WDR35: variants seen among roughly 807,000 people sequenced by gnomAD.
The protein encoded by WDR35 is WD repeat domain 35, also known as WD repeat-containing protein 35.
WDR35 carries 118 observed loss-of-function variants against 158.3 expected under a neutral mutation model. That is an observed-to-expected ratio of 0.75 (90% confidence interval 0.64 to 0.87). WDR35 has a LOEUF of 0.87. WDR35 is among the 40% of genes least tolerant of loss of function. WDR35 has a pLI of 0.00. For synonymous variants in WDR35, 448 were observed against 476.1 expected (o/e 0.94, Z 0.77); for missense variants, 1,263 against 1,405.8 (o/e 0.90, Z 1.62).
intron 12 of WDR35, among the ~76,000 whole-genome samples, chr2:19,952,781 C>CTTTTTTTTTT (rs773596785): frequency 2.3e-5 from 2 of 86,266 alleles, no homozygotes; most frequent in Non-Finnish European, 4.3e-5. Flanking sequence ...ACTCAACATA[C>CTTTTTTTTTT]TTTTTTTTTT....
At chr2:19,959,585 A>G (rs941022070) in intron 11 of WDR35, among the ~76,000 whole-genome samples, 2 of 152,052 alleles carry the variant, frequency 1.3e-5, no homozygotes, top group African/African-American at 4.8e-5. Context: ...GTAGGTTATC[A>G]AGACCCTAAG....
rs541277513 is a variant in WDR35, at chr2:19,928,865, G to A, written c.3121+1531C>T. Among the ~76,000 whole-genome samples, 33 of 151,650 alleles carry A rather than the reference G, an allele frequency of 2.2e-4. No homozygotes were observed. The South Asian group carries it at 3.3e-3, about 15-fold the overall frequency. On this transcript the variant is annotated intron_variant, in intron 25 of 26. Transcript: ENST00000281405. ...TCTGTCACCCAGGCTGGAGTGCAGC[G>A]GTGCGATCTCGGCTCACTGCAAGCT...
At chr2:19,969,693 G>T in intron 8 of WDR35, 88 bp from the exon 9 acceptor site, 1 of 1,368,940 alleles carries the variant, frequency 7.3e-7, no homozygotes, top group Non-Finnish European at 1.0e-6. Context: ...ATCAAAAGTG[G>T]TATGAACATT....
chr2:19,932,211 G>C, intron 23 of WDR35, 72 bp downstream of exon 23: 1 of 1,581,214 alleles, frequency 6.3e-7, no homozygotes, highest in Non-Finnish European at 8.7e-7. Flanking sequence ...AGAAAATGGA[G>C]AATATGCTCT....
chr2:19,937,976 T>A, intron 18 of WDR35, 30 bp from the exon 19 acceptor site: 2 of 1,611,216 alleles, frequency 1.2e-6, no homozygotes, highest in South Asian at 2.2e-5. Context: ...AAAACATAAG[T>A]GCATATTGCA....
In WDR35 at chr2:19,941,808, T is replaced by C. The variant is rs758868002; in HGVS notation, c.1877A>G (p.Asn626Ser). Residue 626 changes from asparagine (N) to serine (S), a missense_variant, in exon 17 of 27, where the codon AAT (asparagine) becomes AGT (serine). By Grantham distance (46) the Asn-to-Ser change is conservative (BLOSUM62 1). Coordinates refer to ENST00000281405, the MANE Select transcript of WDR35 (RefSeq NM_020779.4). ...AGATTTAATTTCTAAATCCTCAAAATTACAAATATATCCAGAGGTCTGAAT... is the reference window on the plus strand; with the variant it reads ...AGATTTAATTTCTAAATCCTCAAAACTACAAATATATCCAGAGGTCTGAAT... ...EPIQTSGYIC[N>S]FEDLEIKSVL... is the part of the protein sequence containing the mutation. 6.3e-7 allele frequency: 1 copy of C among 1,575,238 alleles called. No individual in the cohort carries two copies. Among genetic ancestry groups the C allele is most frequent in the Non-Finnish European group, 8.7e-7 (1 of 1,153,090 alleles).
intron 25 of WDR35, among the ~76,000 whole-genome samples, chr2:19,928,679 A>T (rs1383598282): frequency 1.3e-5 from 2 of 152,126 alleles, no homozygotes; most frequent in South Asian, 2.1e-4. Context: ...ATGACTATAT[A>T]AAAAAAACTA....
At chr2:19,985,483 G>T (rs979353930) in intron 2 of WDR35, among the ~76,000 whole-genome samples, 73 of 151,556 alleles carry the variant, frequency 4.8e-4, no homozygotes, top group African/African-American at 1.7e-3. Flanking sequence ...CTCCAACCCA[G>T]GACCATCATC....
chr2:19,953,804 C>A, intron 12 of WDR35, 30 bp downstream of exon 12: 1 of 1,613,618 alleles, frequency 6.2e-7, no homozygotes, highest in Non-Finnish European at 8.5e-7. Flanking sequence ...TATGGTTGAG[C>A]TACTAAAAAG....
chr2:19,963,586 C>T (rs1417246565), intron 10 of WDR35, among the ~76,000 whole-genome samples: 2 of 152,146 alleles, frequency 1.3e-5, no homozygotes, highest in African/African-American at 4.8e-5. Context: ...CTGGTGTCCA[C>T]TCTACTGTTT....
chr2:19,960,912 G>T (rs1671628862), intron 10 of WDR35, among the ~76,000 whole-genome samples: 1 of 152,084 alleles, frequency 6.6e-6, no homozygotes, highest in Non-Finnish European at 1.5e-5. Flanking sequence ...TTTATACAAG[G>T]GGTCTTCAAA....
intron 4 of WDR35, among the ~76,000 whole-genome samples, chr2:19,979,287 T>C (rs1457128969): frequency 2.6e-5 from 4 of 152,040 alleles, no homozygotes; most frequent in African/African-American, 9.7e-5. Flanking sequence ...CAAGTAACAA[T>C]AACTTTATAC....
chr2:19,966,194 C>T (rs1325139452), intron 10 of WDR35, among the ~76,000 whole-genome samples: 1 of 152,012 alleles, frequency 6.6e-6, no homozygotes, highest in African/African-American at 2.4e-5. Context: ...ATTGGTAGTC[C>T]TTTTCAGAAA....
At chr2:19,962,018 A>G (rs1446377829) in intron 10 of WDR35, among the ~76,000 whole-genome samples, 8 of 152,210 alleles carry the variant, frequency 5.3e-5, no homozygotes, top group Admixed American at 5.2e-4. Context: ...TTAGTTAATA[A>G]TGTAAAAAAG....
At chr2:19,924,417 C>T (rs34595677) in intron 25 of WDR35, among the ~76,000 whole-genome samples, 26,541 of 151,828 alleles carry the variant, frequency 0.17, 2,732 homozygotes, top group Non-Finnish European at 0.22. Flanking sequence ...ACAAAAAATT[C>T]GCCGGGTGTG....
rs527559063 is a variant in WDR35, at chr2:19,913,840, T to C, written c.3363-132A>G. 4.0e-5 allele frequency: 57 copies of C among 1,441,710 alleles called. No homozygotes were observed. The South Asian group carries it at 6.5e-4, about 17-fold the overall frequency. The allele number at this position is 1,441,710 out of a possible 1,614,324, so 89.3% of individuals were successfully genotyped here. A position where few individuals can be genotyped will look rare whatever the true frequency, so the allele number is the denominator to read the frequency against. ...CATCAAATACTTTCATTTAAAAAAG[T>C]TATTTCAAGAAAAAACCTTTCTTAC... On this transcript the variant is annotated intron_variant, in intron 26 of 26. Coordinates refer to ENST00000281405, the MANE Select transcript of WDR35 (RefSeq NM_020779.4).
At chr2:19,962,346 A>G in intron 10 of WDR35, 3 of 1,612,524 alleles carry the variant, frequency 1.9e-6, no homozygotes, top group South Asian at 1.1e-5. Context: ...CAATATATAA[A>G]TGACAGGAGA....
At chr2:19,972,924 C>A (rs1030900) in intron 8 of WDR35, among the ~76,000 whole-genome samples, 12,858 of 151,952 alleles carry the variant, frequency 0.085, 635 homozygotes, top group East Asian at 0.23. Flanking sequence ...TTAAAATTCA[C>A]AATATATTAA....
intron 20 of WDR35, among the ~76,000 whole-genome samples, chr2:19,935,929 A>C (rs574838828): frequency 1.8e-4 from 27 of 152,328 alleles, no homozygotes; most frequent in Non-Finnish European, 3.1e-4. Context: ...CACTTATTAA[A>C]CTTTGTTCAA....
Sources: gnomAD v4.1 joint callset for allele counts (sites outside exome capture counted in the v4.1 genomes callset) on GRCh38, gnomAD v4.1.1 for gene constraint, MANE v1.5 for transcripts, NCBI Gene and HGNC (gene_info 2026-07-23, HGNC 2026-07-21) for gene names.